FDPS: variants seen among roughly 807,000 people sequenced by gnomAD.
FDPS encodes the protein farnesyl pyrophosphate synthase.
A neutral mutation model predicts 49.5 loss-of-function variants in FDPS; 29 were observed. The observed-to-expected ratio is 0.59, with a 90% CI of 0.44 to 0.80. The LOEUF (loss-of-function observed/expected upper bound fraction) is 0.80, where lower values mean the gene tolerates loss of function less well. Among genes scored for constraint, FDPS ranks in the 30% least tolerant of loss-of-function variants. The probability of loss-of-function intolerance (pLI) is 0.00; values close to 1 mark genes in which losing one functional copy is unlikely to be tolerated. For synonymous variants in FDPS, 172 were observed against 206.4 expected (o/e 0.83, Z 1.43); for missense variants, 414 against 525.6 (o/e 0.79, Z 2.08).
At position 155,309,782 on chromosome 1, in the gene FDPS, C is replaced by T; in HGVS notation, c.-1-7C>T. On this transcript the variant is annotated splice_polypyrimidine_tract_variant and splice_region_variant and intron_variant, in intron 1 of 10. Coordinates refer to ENST00000368356, the MANE Select transcript of FDPS (RefSeq NM_002004.4). ...TGCTTAGTGCCCCCTCCCTATGCCA[C>T]TCCCAGGATGCCCCTGTCCCGCTGG... 6.5e-7 allele frequency: 1 copy of T among 1,536,616 alleles called. No individual in the cohort carries two copies.
intron 8 of FDPS, 106 bp from the exon 9 acceptor site, chr1:155,319,505 G>C: frequency 8.8e-7 from 1 of 1,134,768 alleles, no homozygotes; most frequent in East Asian, 2.4e-5. Context: ...TCTGAAGAGA[G>C]AGGAAAGATT....
chr1:155,314,649 GT>G (rs1182615085), intron 4 of FDPS, among the ~76,000 whole-genome samples: 1 of 151,504 alleles, frequency 6.6e-6, no homozygotes, highest in Non-Finnish European at 1.5e-5. Context: ...TTTTTAAATA[GT>G]TTTTTGGTAG....
chr1:155,320,481 G>A lies in FDPS; in HGVS notation c.1132G>A (p.Ala378Thr). 1 of 1,613,956 alleles carries A rather than the reference G, an allele frequency of 6.2e-7. No individual in the cohort carries two copies. The highest frequency in any genetic ancestry group is 1.1e-5 in the South Asian group (1 of 91,072). The change falls in exon 11 of 11, where the codon GCA becomes ACA. Residue 378 changes from alanine (A) to threonine (T), a missense_variant. Coordinates refer to ENST00000368356, the MANE Select transcript of FDPS (RefSeq NM_002004.4). Reference sequence around the variant, plus strand: ...GCTATATGAGGAGCTGGATCTGCCAGCAGTGTTCTTGCAATATGAGGAAGA... The same window carrying A: ...GCTATATGAGGAGCTGGATCTGCCAACAGTGTTCTTGCAATATGAGGAAGA... The part of the protein sequence containing the change: ...KALYEELDLP[A>T]VFLQYEEDSY...
At chr1:155,311,930 C>G (rs1648839267) in intron 3 of FDPS, among the ~76,000 whole-genome samples, 1 of 151,890 alleles carries the variant, frequency 6.6e-6, no homozygotes, top group South Asian at 2.1e-4. Flanking sequence ...CAAGATCGTG[C>G]CACTGCACTC....
chr1:155,312,168 G>T, intron 3 of FDPS, 87 bp from the exon 4 acceptor site: 3 of 1,486,940 alleles, frequency 2.0e-6, no homozygotes, highest in Non-Finnish European at 2.8e-6. Flanking sequence ...GTTAGGTGGT[G>T]GTTGGAAATG....
rs758358821 is a variant in FDPS, at chr1:155,318,842, C to G, written c.774-14C>G. ...ATTGCCCTCCTGAGGAGTTTCTCTT[C>G]TCCCCTTACTCAGGTACAAATCTAT... On this transcript the variant is annotated splice_polypyrimidine_tract_variant and intron_variant, in intron 7 of 10. Coordinates refer to ENST00000368356, the MANE Select transcript of FDPS (RefSeq NM_002004.4). The surrounding 1 kb of genome is among the most constrained non-coding windows in gnomAD (Gnocchi z 4.2). The G allele has an allele frequency of 2.7e-5, 43 of 1,609,446 alleles. No individual in the cohort carries two copies. Among genetic ancestry groups the G allele is most frequent in the Non-Finnish European group, 3.7e-5 (43 of 1,175,900 alleles).
At chr1:155,315,475 C>G (rs1350994330) in intron 4 of FDPS, among the ~76,000 whole-genome samples, 2 of 152,026 alleles carry the variant, frequency 1.3e-5, no homozygotes, top group East Asian at 3.9e-4. Flanking sequence ...GTCAGGAGAT[C>G]GAGACCATCC....
rs1648876867 is a variant in FDPS at position 155,312,269 on chromosome 1, T to G, written c.354T>G (p.Asn118Lys). 4 of 1,614,028 alleles carry G rather than the reference T, an allele frequency of 2.5e-6. No individual in the cohort carries two copies. Among genetic ancestry groups the G allele is most frequent in the Non-Finnish European group, 3.4e-6 (4 of 1,180,010 alleles). Residue 118 changes from asparagine (N) to lysine (K), a missense_variant, in exon 4 of 11, where the codon AAT (asparagine) becomes AAG (lysine). By Grantham distance (94) the Asn-to-Lys change is moderately conservative. Transcript: ENST00000368356. ...IARLKEVLEY[N>K]AIGGKYNRGL... is the part of the protein sequence containing the mutation. ...TTGCCCTCCAGGTCCTGGAGTACAA[T>G]GCCATTGGAGGCAAGTATAACCGGG...
Position 155,319,619 on chromosome 1 carries a change from T to C in FDPS, c.855T>C (p.Ile285=), listed in dbSNP as rs1650023175. ...CCCCCCTTTCCCTGCAGGCAGGAAT[T>C]GATGGCGAGAAGGAGCACGCCAATG... ...PIAAAMYMAG[I]DGEKEHANAK... is the part of the protein sequence containing the mutation. The change falls in exon 9 of 11, where the codon ATT becomes ATC. Residue 285 remains isoleucine (I), a synonymous_variant. Coordinates refer to ENST00000368356, the MANE Select transcript of FDPS (RefSeq NM_002004.4). The C allele has an allele frequency of 6.2e-7, 1 of 1,614,102 alleles. No homozygotes were observed. The highest frequency in any genetic ancestry group is 2.2e-5 in the East Asian group (1 of 44,892).
intron 1 of FDPS, 83 bp from the exon 2 acceptor site, chr1:155,309,706 C>T: frequency 2.4e-6 from 3 of 1,269,768 alleles, no homozygotes; most frequent in Non-Finnish European, 3.2e-6. Context: ...TGGGAGTTAT[C>T]TGGGGAGCTG....
chr1:155,320,582 G>T lies in FDPS; in HGVS notation c.1233G>T (p.Ala411=). The part of the protein sequence containing the change: ...PLPPAVFLGL[A]RKIYKRRK ...CCCCAGCCGTCTTTCTGGGGCTTGCGCGCAAAATCTACAAGCGGAGAAAGT... is the reference window on the plus strand; with the variant it reads ...CCCCAGCCGTCTTTCTGGGGCTTGCTCGCAAAATCTACAAGCGGAGAAAGT... The change falls in exon 11 of 11, where the codon GCG becomes GCT. Residue 411 remains alanine (A), a synonymous_variant. Transcript: ENST00000368356. The T allele has an allele frequency of 6.2e-7, 1 of 1,614,198 alleles. No individual in the cohort carries two copies.
At chr1:155,315,419 C>T (rs1649237571) in intron 4 of FDPS, among the ~76,000 whole-genome samples, 1 of 152,184 alleles carries the variant, frequency 6.6e-6, no homozygotes, top group Non-Finnish European at 1.5e-5. Context: ...GTGGCTCATG[C>T]CTGTAATCCC....
intron 4 of FDPS, 113 bp from the exon 5 acceptor site, chr1:155,317,828 C>G: frequency 1.3e-6 from 1 of 767,770 alleles, no homozygotes; most frequent in South Asian, 1.8e-5. Context: ...TAGTGAGACT[C>G]TGTCCCCTAC....
At position 155,319,647 on chromosome 1, in the gene FDPS, A is replaced by G. The variant is rs765881709; in HGVS notation, c.883A>G (p.Lys295Glu). The G allele has an allele frequency of 1.9e-6, 3 of 1,614,230 alleles. No individual in the cohort carries two copies. The South Asian group carries it at 3.3e-5, about 18-fold the overall frequency. ...TGGCGAGAAGGAGCACGCCAATGCC[A>G]AGAAGATCCTGCTGGAGATGGGGGA... ...IDGEKEHANA[K>E]KILLEMGEFF... The change falls in exon 9 of 11, where the codon AAG becomes GAG. Residue 295 changes from lysine to glutamate, a missense_variant. By Grantham distance (56) the Lys-to-Glu change is moderately conservative. Transcript: ENST00000368356.
In FDPS at chr1:155,309,818, T is replaced by TG. The variant is rs759457833; in HGVS notation, c.34dup (p.Val12GlyfsTer81). On this transcript the variant is annotated frameshift_variant, in exon 2 of 11. Coordinates refer to ENST00000368356, the MANE Select transcript of FDPS (RefSeq NM_002004.4). LOFTEE classifies it high-confidence loss of function. ...CCCCTGTCCCGCTGGTTGAGATCTGTGGGGGTCTTCCTGCTGCCAGCCCCC... is the reference window on the plus strand; with the variant it reads ...CCCCTGTCCCGCTGGTTGAGATCTGTGGGGGGTCTTCCTGCTGCCAGCCCCC... The TG allele has an allele frequency of 6.4e-7, 1 of 1,574,234 alleles. No homozygotes were observed. Among genetic ancestry groups the TG allele is most frequent in the Non-Finnish European group, 8.7e-7 (1 of 1,156,040 alleles).
rs546317941 is a variant in FDPS, at chr1:155,319,699, A to G, written c.924+11A>G. 6.2e-7 allele frequency: 1 copy of G among 1,614,220 alleles called. No homozygotes were observed. Among genetic ancestry groups the G allele is most frequent in the East Asian group, 2.2e-5 (1 of 44,888 alleles). On this transcript the variant is annotated intron_variant, in intron 9 of 10. Coordinates refer to ENST00000368356, the MANE Select transcript of FDPS (RefSeq NM_002004.4). ...TTCTTTCAGATTCAGGTAAGAAGGC[A>G]GGAGGCAGTAGCAGAGAACAGGCAC...
chr1:155,315,867 CA>C (rs1267885482), intron 4 of FDPS, among the ~76,000 whole-genome samples: 1,823 of 129,350 alleles, frequency 0.014, 34 homozygotes, highest in African/African-American at 0.047. Flanking sequence ...AACTCCATCT[CA>C]AAAAAAAAAA....
chr1:155,320,011 G>A (rs534198189), intron 10 of FDPS, 83 bp downstream of exon 10: 10 of 1,509,924 alleles, frequency 6.6e-6, no homozygotes, highest in Admixed American at 1.9e-5. Context: ...TTTTCCTCCC[G>A]AGGGGACATT....
chr1:155,309,892 C>G lies in FDPS; in HGVS notation c.103C>G (p.Leu35Val). The G allele has an allele frequency of 6.3e-7, 1 of 1,595,698 alleles. No individual in the cohort carries two copies. The highest frequency in any genetic ancestry group is 8.5e-7 in the Non-Finnish European group (1 of 1,170,082). ...GCTGGGTTCCCTACGGCGGCCCTCC[C>G]TGGTGCACGGGTACCCAGTCCTGGC... ...RWLGSLRRPS[L>V]VHGYPVLAWH... Residue 35 changes from leucine (L) to valine (V), a missense_variant, in exon 2 of 11, where the codon CTG (leucine) becomes GTG (valine). By Grantham distance (32) the Leu-to-Val change is conservative (BLOSUM62 1). Transcript: ENST00000368356.
Sources: gnomAD v4.1 joint callset for allele counts (sites outside exome capture counted in the v4.1 genomes callset) on GRCh38, gnomAD v4.1.1 for gene constraint, Gnocchi (gnomAD v3.1) non-coding constraint, MANE v1.5 for transcripts, NCBI Gene and HGNC (gene_info 2026-07-23, HGNC 2026-07-21) for gene names.